The following COG3 variants were observed in gnomAD, a reference collection of about 807,000 sequenced individuals.
COG3 encodes component of oligomeric golgi complex 3.
A neutral mutation model predicts 114.1 loss-of-function variants in COG3; 32 were observed. The observed-to-expected ratio is 0.28, with a 90% CI of 0.21 to 0.38. COG3 has a LOEUF of 0.38. Among genes scored for constraint, COG3 ranks in the 10% least tolerant of loss-of-function variants. The probability of loss-of-function intolerance (pLI) is 1.00; values close to 1 mark genes in which losing one functional copy is unlikely to be tolerated. For missense variants in COG3, 813 were observed against 973.2 expected, an observed-to-expected ratio of 0.84 and a Z score of 2.19; for synonymous variants, 352 against 365.7, an observed-to-expected ratio of 0.96 and a Z score of 0.43.
chr13:45,492,039 G>A (rs1231228643), intron 10 of COG3, 120 bp from the exon 11 acceptor site: 6 of 545,592 alleles, frequency 1.1e-5, no homozygotes, highest in Non-Finnish European at 1.9e-5. Flanking sequence ...CCGTTCTTCA[G>A]TAAGTTGTTT....
At chr13:45,513,946 A>G (rs538488197) in intron 16 of COG3, among the ~76,000 whole-genome samples, 7 of 152,266 alleles carry the variant, frequency 4.6e-5, no homozygotes, top group African/African-American at 1.7e-4. Flanking sequence ...AAATCAGATA[A>G]TATGGTATGA....
chr13:45,507,694 G>A (rs954313065), intron 14 of COG3, among the ~76,000 whole-genome samples: 1 of 151,158 alleles, frequency 6.6e-6, no homozygotes. Context: ...GACCCCAATA[G>A]GCGGAGGTTG....
intron 1 of COG3, among the ~76,000 whole-genome samples, chr13:45,468,913 C>T (rs1885307695): frequency 6.6e-6 from 1 of 152,220 alleles, no homozygotes; most frequent in Non-Finnish European, 1.5e-5. Flanking sequence ...TACCACCACA[C>T]CCCTTTTTGA....
Position 45,467,556 on chromosome 13 carries a change from C to T in COG3, c.174+2346C>T, listed in dbSNP as rs138872031. Among the ~76,000 whole-genome samples the T allele has an allele frequency of 2.8e-3, 425 of 152,316 alleles. 6 individuals are homozygous for T. The highest frequency in any genetic ancestry group is 9.4e-3 in the African/African-American group (392 of 41,556). ...GCCCTGAGCCGAGATTGCACCACTGCGCTCCAGCCTGGGTGGGTGACAGGC... is the reference window on the plus strand; with the variant it reads ...GCCCTGAGCCGAGATTGCACCACTGTGCTCCAGCCTGGGTGGGTGACAGGC... On this transcript the variant is annotated intron_variant, in intron 1 of 22. Transcript: ENST00000349995.
At chr13:45,512,094 T>C (rs1870930672) in intron 16 of COG3, 1 of 410,084 alleles carries the variant, frequency 2.4e-6, no homozygotes, top group African/African-American at 2.0e-5. Flanking sequence ...ACACATTCTA[T>C]AGAGTAAAGG....
chr13:45,492,586 T>C (rs1887080150), intron 11 of COG3, among the ~76,000 whole-genome samples: 1 of 152,176 alleles, frequency 6.6e-6, no homozygotes. Context: ...AATTCTATGA[T>C]TCTAACTAAT....
intron 1 of COG3, among the ~76,000 whole-genome samples, chr13:45,470,294 G>A (rs1885395896): frequency 6.6e-6 from 1 of 152,188 alleles, no homozygotes; most frequent in Admixed American, 6.5e-5. Flanking sequence ...AAACTAGATG[G>A]CTGGAGAATG....
At chr13:45,513,421 TTATA>T (rs1237386089) in intron 16 of COG3, among the ~76,000 whole-genome samples, 1 of 76,836 alleles carries the variant, frequency 1.3e-5, no homozygotes. Context: ...TACATATAAA[TTATA>T]TATATAATAT....
rs542095086 is a variant in COG3 at position 45,489,575 on chromosome 13, C to G, written c.925-1340C>G. ...TGGCTTTCCTACATACCATTAGTAA[C>G]AAATTAATATATGTGATGGGGTCCC... On this transcript the variant is annotated intron_variant, in intron 8 of 22. Coordinates refer to ENST00000349995, the MANE Select transcript of COG3 (RefSeq NM_031431.4). Among the ~76,000 whole-genome samples, 11 of 152,136 alleles carry G rather than the reference C, an allele frequency of 7.2e-5. No individual in the cohort carries two copies. The South Asian group carries it at 2.3e-3, about 32-fold the overall frequency.
At chr13:45,490,997 T>A in intron 9 of COG3, 39 bp downstream of exon 9, 1 of 1,383,714 alleles carries the variant, frequency 7.2e-7, no homozygotes. Context: ...CACATGAACC[T>A]TTGTCTTGTA....
At position 45,535,715 on chromosome 13, in the gene COG3, A is replaced by G. The variant is rs1873508326; in HGVS notation, c.*984A>G. On this transcript the variant is annotated 3_prime_UTR_variant, in exon 23 of 23. Coordinates refer to ENST00000349995, the MANE Select transcript of COG3 (RefSeq NM_031431.4). ...CTCTAGCCCAGCTACAGCAGAATAC[A>G]TTTTACCAGCAAACCTAAGGATGAC... 1.1e-5 allele frequency: 11 copies of G among 986,174 alleles called. No homozygotes were observed. Among genetic ancestry groups the G allele is most frequent in the Admixed American group, 6.1e-5 (1 of 16,276 alleles). 61.1% of individuals were successfully genotyped at this position (986,174 alleles called of 1,614,324 possible). A position where few individuals can be genotyped will look rare whatever the true frequency, so the allele number is the denominator to read the frequency against.
intron 8 of COG3, among the ~76,000 whole-genome samples, 177 bp downstream of exon 8, chr13:45,486,752 T>G (rs1886694354): frequency 6.6e-6 from 1 of 152,190 alleles, no homozygotes; most frequent in African/African-American, 2.4e-5. Flanking sequence ...GTTCTTTAAG[T>G]CCACAGAGCA....
At chr13:45,501,181 C>T (rs547186971) in intron 13 of COG3, among the ~76,000 whole-genome samples, 7 of 152,336 alleles carry the variant, frequency 4.6e-5, no homozygotes, top group Admixed American at 4.6e-4. Flanking sequence ...GAAGGAAGTC[C>T]CATGTGTAAC....
At chr13:45,477,221 C>T (rs74327720) in intron 2 of COG3, among the ~76,000 whole-genome samples, 3,632 of 152,120 alleles carry the variant, frequency 0.024, 75 homozygotes, top group Non-Finnish European at 0.041. Flanking sequence ...ACATGGCAAG[C>T]CTGTATACCC....
chr13:45,467,714 G>C (rs1885235040), intron 1 of COG3, among the ~76,000 whole-genome samples: 1 of 152,182 alleles, frequency 6.6e-6, no homozygotes, highest in African/African-American at 2.4e-5. Context: ...TTATATGTCT[G>C]TTGGGAAGAC....
At chr13:45,471,268 AAGTT>A (rs1885461739) in intron 1 of COG3, among the ~76,000 whole-genome samples, 1 of 151,980 alleles carries the variant, frequency 6.6e-6, no homozygotes, top group Non-Finnish European at 1.5e-5. Flanking sequence ...AAAAATCAAA[AAGTT>A]AGCTGGGTGT....
At chr13:45,513,670 A>G (rs1049219321) in intron 16 of COG3, among the ~76,000 whole-genome samples, 1 of 151,170 alleles carries the variant, frequency 6.6e-6, no homozygotes, top group African/African-American at 2.4e-5. Context: ...TCATTCATGA[A>G]ATGGAGAGGT....
intron 13 of COG3, among the ~76,000 whole-genome samples, chr13:45,498,835 CAT>C (rs759717152): frequency 5.9e-4 from 88 of 149,870 alleles, no homozygotes; most frequent in Non-Finnish European, 1.2e-3. Flanking sequence ...CTTGCAATGC[CAT>C]ATGATTCTAA....
At chr13:45,497,192 G>A (rs546913017) in intron 13 of COG3, among the ~76,000 whole-genome samples, 16 of 152,258 alleles carry the variant, frequency 1.1e-4, no homozygotes, top group Middle Eastern at 3.4e-3. Flanking sequence ...AAATTATACC[G>A]TACAAGTGTC....
Sources: gnomAD v4.1 joint callset for allele counts (sites outside exome capture counted in the v4.1 genomes callset) on GRCh38, gnomAD v4.1.1 for gene constraint, MANE v1.5 for transcripts, NCBI Gene and HGNC (gene_info 2026-07-23, HGNC 2026-07-21) for gene names.